GRIN2B: variants seen among roughly 807,000 people sequenced by gnomAD.
The protein encoded by GRIN2B is glutamate receptor ionotropic, NMDA 2B.
Under a neutral mutation model 114.5 loss-of-function variants are expected in GRIN2B, and 5 were observed. The observed-to-expected ratio is 0.04, with a 90% CI of 0.02 to 0.09. GRIN2B has a LOEUF of 0.09. Among genes scored for constraint, GRIN2B ranks in the 10% least tolerant of loss-of-function variants. The pLI is 1.00. For synonymous variants in GRIN2B, 787 were observed against 745.1 expected (o/e 1.06, Z -0.92); for missense variants, 1,108 against 1,943.5 (o/e 0.57, Z 8.08).
At chr12:13,789,122 T>C (rs946156326) in intron 3 of GRIN2B, among the ~76,000 whole-genome samples, 3 of 152,112 alleles carry the variant, frequency 2.0e-5, no homozygotes, top group African/African-American at 7.2e-5. Flanking sequence ...CAAGAGAGAA[T>C]GTTTTTAAAA....
chr12:13,846,346 A>G (rs1865472302), intron 3 of GRIN2B, among the ~76,000 whole-genome samples: 2 of 152,226 alleles, frequency 1.3e-5, no homozygotes, highest in African/African-American at 4.8e-5. Context: ...AATTATTTTT[A>G]AAAATATTAG....
intron 4 of GRIN2B, among the ~76,000 whole-genome samples, chr12:13,693,461 T>C (rs1950231799): frequency 6.6e-6 from 1 of 152,158 alleles, no homozygotes; most frequent in African/African-American, 2.4e-5. Context: ...GGTCATCACA[T>C]ATAAGAACCG....
intron 4 of GRIN2B, among the ~76,000 whole-genome samples, chr12:13,731,972 G>A (rs1257153760): frequency 2.0e-5 from 3 of 152,024 alleles, no homozygotes; most frequent in Admixed American, 1.3e-4. Context: ...TGACCTATTG[G>A]TTAATAGTAA....
intron 3 of GRIN2B, among the ~76,000 whole-genome samples, chr12:13,837,471 A>G (rs1002126832): frequency 3.9e-5 from 6 of 152,188 alleles, no homozygotes; most frequent in Non-Finnish European, 8.8e-5. Context: ...CAGGCTGGCA[A>G]TCAGAAGGGC....
intron 3 of GRIN2B, among the ~76,000 whole-genome samples, chr12:13,821,742 T>G (rs1416813485): frequency 6.6e-6 from 1 of 152,226 alleles, no homozygotes; most frequent in African/African-American, 2.4e-5. Flanking sequence ...GACAAAGATA[T>G]GTCCACTATT....
intron 5 of GRIN2B, among the ~76,000 whole-genome samples, chr12:13,641,443 C>T (rs777975369): frequency 6.4e-4 from 97 of 152,062 alleles, no homozygotes; most frequent in Non-Finnish European, 8.8e-4. Flanking sequence ...CTTGCCATTT[C>T]CATGTCTTAT....
intron 4 of GRIN2B, among the ~76,000 whole-genome samples, chr12:13,730,351 A>G (rs1240420700): frequency 6.6e-6 from 1 of 152,186 alleles, no homozygotes; most frequent in African/African-American, 2.4e-5. Flanking sequence ...CAATAAAACA[A>G]GCAAAATTAG....
At chr12:13,963,710 C>T (rs1867739234) in intron 2 of GRIN2B, among the ~76,000 whole-genome samples, 1 of 152,204 alleles carries the variant, frequency 6.6e-6, no homozygotes. Context: ...AAAGACCCAG[C>T]TTTTGACTCC....
chr12:13,928,480 G>A (rs904646794), intron 2 of GRIN2B, among the ~76,000 whole-genome samples: 12 of 152,092 alleles, frequency 7.9e-5, no homozygotes, highest in African/African-American at 2.9e-4. Context: ...GTTCTGTGAT[G>A]AAATCAGATT....
intron 4 of GRIN2B, among the ~76,000 whole-genome samples, chr12:13,713,523 A>G (rs1201459498): frequency 6.6e-6 from 1 of 151,922 alleles, no homozygotes; most frequent in Non-Finnish European, 1.5e-5. Context: ...TCATCCCATA[A>G]AAGAGCAGCC....
intron 5 of GRIN2B, among the ~76,000 whole-genome samples, chr12:13,632,070 A>G (rs141308475): frequency 1.3e-5 from 2 of 152,254 alleles, no homozygotes; most frequent in East Asian, 1.9e-4. Context: ...CAAAACCCCA[A>G]ACAATAACCT....
At chr12:13,634,502 G>A (rs925597696) in intron 5 of GRIN2B, among the ~76,000 whole-genome samples, 2 of 152,188 alleles carry the variant, frequency 1.3e-5, no homozygotes, top group African/African-American at 2.4e-5. Flanking sequence ...CCTAGGAGGT[G>A]TCTGCATTCC....
chr12:13,842,918 T>C (rs1865402376), intron 3 of GRIN2B, among the ~76,000 whole-genome samples: 3 of 57,938 alleles, frequency 5.2e-5, no homozygotes. Context: ...TTGGTTTTTC[T>C]TTTTTTTTTT....
intron 3 of GRIN2B, among the ~76,000 whole-genome samples, chr12:13,774,840 A>G (rs1177612499): frequency 1.3e-5 from 2 of 152,238 alleles, no homozygotes; most frequent in Non-Finnish European, 2.9e-5. Context: ...CAGTTTTTAC[A>G]CCCAGAATAT....
intron 13 of GRIN2B, among the ~76,000 whole-genome samples, chr12:13,566,175 A>G (rs1948636919): frequency 6.6e-6 from 1 of 152,228 alleles, no homozygotes; most frequent in Admixed American, 6.5e-5. Flanking sequence ...AAAATACTAT[A>G]GGAAAATGAT....
At chr12:13,666,204 T>C (rs1949973585) in intron 5 of GRIN2B, among the ~76,000 whole-genome samples, 1 of 152,182 alleles carries the variant, frequency 6.6e-6, no homozygotes. Context: ...ACTCTTCTCC[T>C]TCCAGGGTCA....
intron 5 of GRIN2B, among the ~76,000 whole-genome samples, chr12:13,637,588 C>T (rs1949677336): frequency 6.6e-6 from 1 of 152,076 alleles, no homozygotes; most frequent in Non-Finnish European, 1.5e-5. Flanking sequence ...AAAAAATAGT[C>T]CATGGAGTAG....
intron 5 of GRIN2B, among the ~76,000 whole-genome samples, chr12:13,651,462 T>C (rs1949811784): frequency 6.6e-6 from 1 of 152,082 alleles, no homozygotes; most frequent in African/African-American, 2.4e-5. Flanking sequence ...AGTGTAAACT[T>C]TGTCAAAAAA....
intron 3 of GRIN2B, among the ~76,000 whole-genome samples, chr12:13,779,703 C>G (rs140339040): frequency 2.3e-4 from 35 of 152,268 alleles, no homozygotes; most frequent in African/African-American, 8.2e-4. Context: ...ATTTCAAGTG[C>G]TCAGTTGCTA....
Sources: allele counts gnomAD v4.1 joint callset (sites outside exome capture counted in the v4.1 genomes callset), GRCh38; gene constraint gnomAD v4.1.1; transcripts MANE v1.5; gene names NCBI Gene and HGNC (gene_info 2026-07-23, HGNC 2026-07-21).